The following HS6ST3 variants were observed in gnomAD, a reference collection of about 807,000 sequenced individuals.
HS6ST3 encodes the protein heparan-sulfate 6-O-sulfotransferase 3.
Under a neutral mutation model 36.7 loss-of-function variants are expected in HS6ST3, and 12 were observed. The ratio of observed to expected loss-of-function variants is 0.33; its 90% CI spans 0.21 to 0.53. The LOEUF (loss-of-function observed/expected upper bound fraction) is 0.53, where lower values mean the gene tolerates loss of function less well. Ranked by LOEUF, HS6ST3 falls within the 20% of genes least tolerant of loss-of-function variation. The pLI is 0.95. For synonymous variants in HS6ST3, 240 were observed against 257.5 expected (o/e 0.93, Z 0.65); for missense variants, 584 against 640.9 (o/e 0.91, Z 0.96).
At chr13:96,556,721 A>C (rs1456265232) in intron 1 of HS6ST3, among the ~76,000 whole-genome samples, 3 of 152,168 alleles carry the variant, frequency 2.0e-5, no homozygotes, top group African/African-American at 7.2e-5. Context: ...CAGGTGAGGC[A>C]GTTTTTATCC....
intron 1 of HS6ST3, among the ~76,000 whole-genome samples, chr13:96,719,483 G>A (rs964629354): frequency 2.0e-5 from 3 of 151,996 alleles, no homozygotes; most frequent in African/African-American, 7.3e-5. Context: ...AATCTCATCA[G>A]CATTCTTTTT....
intron 1 of HS6ST3, among the ~76,000 whole-genome samples, chr13:96,295,060 T>C (rs2054848211): frequency 6.6e-6 from 1 of 152,078 alleles, no homozygotes; most frequent in South Asian, 2.1e-4. Context: ...AAAAATAGTA[T>C]GTGGTTAAGA....
intron 1 of HS6ST3, among the ~76,000 whole-genome samples, chr13:96,811,987 C>T (rs1320848005): frequency 3.3e-5 from 5 of 151,946 alleles, no homozygotes; most frequent in Non-Finnish European, 7.4e-5. Flanking sequence ...TGAGGGATGC[C>T]GGGGGGTTGG....
chr13:96,213,866 A>G (rs1428047244), intron 1 of HS6ST3, among the ~76,000 whole-genome samples: 1 of 152,182 alleles, frequency 6.6e-6, no homozygotes, highest in Non-Finnish European at 1.5e-5. Context: ...CTAGGTCCTT[A>G]TTTCACTGGT....
chr13:96,226,500 A>G (rs2054481225), intron 1 of HS6ST3, among the ~76,000 whole-genome samples: 2 of 152,196 alleles, frequency 1.3e-5, no homozygotes, highest in African/African-American at 4.8e-5. Context: ...AGCCCCGGCA[A>G]CAAGAGCGAA....
At chr13:96,739,785 G>A (rs915609161) in intron 1 of HS6ST3, among the ~76,000 whole-genome samples, 1 of 152,142 alleles carries the variant, frequency 6.6e-6, no homozygotes, top group Non-Finnish European at 1.5e-5. Flanking sequence ...GTTAGATCAT[G>A]TCACTCCTTG....
At chr13:96,121,404 C>T (rs150713555) in intron 1 of HS6ST3, among the ~76,000 whole-genome samples, 19 of 152,286 alleles carry the variant, frequency 1.2e-4, no homozygotes, top group Admixed American at 3.9e-4. Context: ...TGGACTAGCG[C>T]TATCTGCAGA....
intron 1 of HS6ST3, among the ~76,000 whole-genome samples, chr13:96,397,158 G>A (rs1028806536): frequency 3.9e-5 from 6 of 152,110 alleles, no homozygotes; most frequent in African/African-American, 4.8e-5. Flanking sequence ...AGCGGAGATC[G>A]CCCCACTGCA....
At chr13:96,471,708 C>A (rs1430709649) in intron 1 of HS6ST3, among the ~76,000 whole-genome samples, 2 of 152,176 alleles carry the variant, frequency 1.3e-5, no homozygotes, top group Non-Finnish European at 2.9e-5. Context: ...ATCAAAAGAG[C>A]TAATGGTCCT....
At chr13:96,752,380 C>T (rs775607763) in intron 1 of HS6ST3, among the ~76,000 whole-genome samples, 1 of 152,198 alleles carries the variant, frequency 6.6e-6, no homozygotes, top group South Asian at 2.1e-4. Flanking sequence ...TACAAGGTAA[C>T]GTCAAATTGC....
chr13:96,402,718 C>T (rs1407524059), intron 1 of HS6ST3, among the ~76,000 whole-genome samples: 4 of 152,248 alleles, frequency 2.6e-5, no homozygotes, highest in Non-Finnish European at 2.9e-5. Context: ...AATATATTTT[C>T]GACATTCACT....
chr13:96,302,122 A>G (rs901676170), intron 1 of HS6ST3, among the ~76,000 whole-genome samples: 5 of 151,906 alleles, frequency 3.3e-5, no homozygotes, highest in African/African-American at 1.2e-4. Context: ...TCAATTGAGG[A>G]AGCCTCTCAG....
At chr13:96,115,844 T>A (rs181348303) in intron 1 of HS6ST3, among the ~76,000 whole-genome samples, 2 of 152,334 alleles carry the variant, frequency 1.3e-5, no homozygotes, top group East Asian at 1.9e-4. Context: ...ACGGTTGAAC[T>A]AATTTACATT....
intron 1 of HS6ST3, among the ~76,000 whole-genome samples, chr13:96,547,105 G>A (rs1376847206): frequency 2.0e-5 from 3 of 152,194 alleles, no homozygotes; most frequent in African/African-American, 4.8e-5. Context: ...TGTCTTATGC[G>A]AGTAAGTTGG....
chr13:96,202,637 T>C (rs1421625179), intron 1 of HS6ST3, among the ~76,000 whole-genome samples: 1 of 152,202 alleles, frequency 6.6e-6, no homozygotes, highest in Non-Finnish European at 1.5e-5. Context: ...ACCACTCTGA[T>C]TTATGTTCGT....
chr13:96,457,705 A>G (rs1270189174), intron 1 of HS6ST3, among the ~76,000 whole-genome samples: 1 of 152,142 alleles, frequency 6.6e-6, no homozygotes, highest in Admixed American at 6.6e-5. Context: ...GAATTTGATC[A>G]ATAGGAACAT....
chr13:96,549,333 G>C (rs1037069684), intron 1 of HS6ST3, among the ~76,000 whole-genome samples: 17 of 152,046 alleles, frequency 1.1e-4, no homozygotes, highest in African/African-American at 4.1e-4. Context: ...TCATCTATTT[G>C]TGTTTTTCAA....
At chr13:96,416,470 G>T (rs1292601876) in intron 1 of HS6ST3, among the ~76,000 whole-genome samples, 1 of 152,008 alleles carries the variant, frequency 6.6e-6, no homozygotes, top group Non-Finnish European at 1.5e-5. Context: ...AACAACCTAT[G>T]GATACTTTTT....
At chr13:96,559,414 C>T (rs7328359) in intron 1 of HS6ST3, among the ~76,000 whole-genome samples, 15,098 of 152,110 alleles carry the variant, frequency 0.099, 1,430 homozygotes, top group African/African-American at 0.25. Flanking sequence ...CCACCATGCC[C>T]GGCCAGTCAA....
Sources: gnomAD v4.1 joint callset for allele counts (sites outside exome capture counted in the v4.1 genomes callset) on GRCh38, gnomAD v4.1.1 for gene constraint, MANE v1.5 for transcripts, NCBI Gene and HGNC (gene_info 2026-07-23, HGNC 2026-07-21) for gene names.